PDE5A: variants seen among roughly 807,000 people sequenced by gnomAD.
PDE5A encodes the protein cGMP-specific 3',5'-cyclic phosphodiesterase.
A neutral mutation model predicts 110.2 loss-of-function variants in PDE5A; 67 were observed. The ratio of observed to expected loss-of-function variants is 0.61; its 90% CI spans 0.50 to 0.75. The LOEUF (loss-of-function observed/expected upper bound fraction) is 0.75. Among genes scored for constraint, PDE5A ranks in the 30% least tolerant of loss-of-function variants. The pLI is 0.00. For missense variants in PDE5A, 862 were observed against 1,045.1 expected, an observed-to-expected ratio of 0.82 and a Z score of 2.42; for synonymous variants, 328 against 351.2, an observed-to-expected ratio of 0.93 and a Z score of 0.74.
chr4:119,550,896 C>T (rs781333786), intron 9 of PDE5A, among the ~76,000 whole-genome samples: 10 of 152,146 alleles, frequency 6.6e-5, no homozygotes, highest in Non-Finnish European at 1.5e-4. Context: ...TTGTAAGGCA[C>T]CCTTGGCAGT....
chr4:119,565,990 TATTA>T (rs1727920093), intron 4 of PDE5A, among the ~76,000 whole-genome samples: 1 of 149,500 alleles, frequency 6.7e-6, no homozygotes, highest in Non-Finnish European at 1.5e-5. Context: ...TAATTAATAG[TATTA>T]ATTATTGATT....
chr4:119,608,489 A>G (rs887111538), intron 1 of PDE5A, among the ~76,000 whole-genome samples: 13 of 152,316 alleles, frequency 8.5e-5, no homozygotes, highest in African/African-American at 3.1e-4. Flanking sequence ...AACTTCTGAA[A>G]CAATTTATAA....
At chr4:119,531,141 A>C (rs1726520541) in intron 11 of PDE5A, among the ~76,000 whole-genome samples, 2 of 152,170 alleles carry the variant, frequency 1.3e-5, no homozygotes, top group African/African-American at 4.8e-5. Flanking sequence ...GTTCCCCATA[A>C]GTAGAGAACT....
chr4:119,603,659 CAA>C (rs904889879), intron 2 of PDE5A, among the ~76,000 whole-genome samples: 1 of 152,064 alleles, frequency 6.6e-6, no homozygotes, highest in Non-Finnish European at 1.5e-5. Flanking sequence ...TTTTCTGTTA[CAA>C]AGTTTTAAAA....
chr4:119,508,053 TTAA>T (rs1725614637), intron 15 of PDE5A, among the ~76,000 whole-genome samples: 1 of 152,010 alleles, frequency 6.6e-6, no homozygotes, highest in Non-Finnish European at 1.5e-5. Flanking sequence ...AAAAGCCATA[TTAA>T]TGGATATGAA....
intron 7 of PDE5A, among the ~76,000 whole-genome samples, chr4:119,557,563 A>G (rs1727585952): frequency 6.6e-6 from 1 of 152,200 alleles, no homozygotes; most frequent in African/African-American, 2.4e-5. Flanking sequence ...CACTGCAGGT[A>G]ATGTAAACCA....
At chr4:119,538,339 A>G (rs1296712421) in intron 11 of PDE5A, among the ~76,000 whole-genome samples, 2 of 152,136 alleles carry the variant, frequency 1.3e-5, no homozygotes, top group East Asian at 1.9e-4. Context: ...GCCCTTACCT[A>G]TGTCATCGCA....
At chr4:119,563,503 G>T (rs1357389078) in intron 5 of PDE5A, among the ~76,000 whole-genome samples, 1 of 151,982 alleles carries the variant, frequency 6.6e-6, no homozygotes, top group African/African-American at 2.4e-5. Flanking sequence ...AACCTCATAA[G>T]TATTACCAAA....
In PDE5A at chr4:119,507,722, A is replaced by C; in HGVS notation, c.2089-18T>G. On this transcript the variant is annotated intron_variant, in intron 15 of 20. Transcript: ENST00000354960. Reference sequence around the variant, plus strand: ...TGATTGCCCTTTATAAAAAAAGAAAACCAGTATTAACATCCTGGAGAAGCT... The same window carrying C: ...TGATTGCCCTTTATAAAAAAAGAAACCCAGTATTAACATCCTGGAGAAGCT... The C allele has an allele frequency of 6.7e-7, 1 of 1,496,804 alleles. No individual in the cohort carries two copies. Among genetic ancestry groups the C allele is most frequent in the Non-Finnish European group, 9.1e-7 (1 of 1,094,134 alleles). The allele number at this position is 1,496,804 out of a possible 1,614,324, so 92.7% of individuals were successfully genotyped here.
chr4:119,622,746 A>AC (rs1399625763), intron 1 of PDE5A, among the ~76,000 whole-genome samples: 14 of 151,498 alleles, frequency 9.2e-5, no homozygotes, highest in Admixed American at 7.2e-4. Flanking sequence ...GGTGGTGGGC[A>AC]CCTGTGGTCC....
intron 9 of PDE5A, among the ~76,000 whole-genome samples, chr4:119,548,003 T>C (rs1342300125): frequency 6.6e-6 from 1 of 151,794 alleles, no homozygotes; most frequent in Non-Finnish European, 1.5e-5. Flanking sequence ...CAAGTATATT[T>C]CAGGCCCACT....
chr4:119,511,011 C>A, intron 15 of PDE5A, 36 bp downstream of exon 15: 1 of 1,175,006 alleles, frequency 8.5e-7, no homozygotes, highest in East Asian at 2.4e-5. Context: ...ATAAAGCTCT[C>A]TTTTAAAATT....
chr4:119,587,202 T>G (rs1728792352), intron 3 of PDE5A, among the ~76,000 whole-genome samples: 1 of 149,284 alleles, frequency 6.7e-6, no homozygotes, highest in Admixed American at 6.8e-5. Context: ...GGGGAATAAA[T>G]GCAGTGAACG....
In PDE5A at chr4:119,519,085, C is replaced by A. The variant is rs200619248; in HGVS notation, c.1960G>T (p.Asp654Tyr). 1 of 1,613,678 alleles carries A rather than the reference C, an allele frequency of 6.2e-7. No individual in the cohort carries two copies. Among genetic ancestry groups the A allele is most frequent in the African/African-American group, 1.3e-5 (1 of 74,916 alleles). Reference protein sequence around the residue: ...LALLIAALSHDLDHRGVNNSY... With the variant: ...LALLIAALSHYLDHRGVNNSY... ...TTATTCACACCACGGTGATCCAAATCGTGGCTTAGTGCAGCAATCAGCAAT... is the reference window on the plus strand; with the variant it reads ...TTATTCACACCACGGTGATCCAAATAGTGGCTTAGTGCAGCAATCAGCAAT... Residue 654 changes from aspartate (D) to tyrosine (Y), a missense_variant, in exon 14 of 21, where the codon GAT becomes TAT. Transcript: ENST00000354960.
In PDE5A at chr4:119,505,906, A is replaced by ATAAG. The variant is rs1335768943; in HGVS notation, c.2212_2215dup (p.Ile739ThrfsTer27). On this transcript the variant is annotated frameshift_variant, in exon 17 of 21. Transcript: ENST00000354960. LOFTEE classifies it high-confidence loss of function. Reference sequence around the variant, plus strand: ...TTCCAAATTGAATTGATTTTTTCTTATAAGTTCAAAAAATTCTCCTCGCCT... The same window carrying ATAAG: ...TTCCAAATTGAATTGATTTTTTCTTATAAGTAAGTTCAAAAAATTCTCCTCGCCT... The ATAAG allele has an allele frequency of 6.4e-7, 1 of 1,569,890 alleles. No individual in the cohort carries two copies. Among genetic ancestry groups the ATAAG allele is most frequent in the Non-Finnish European group, 8.6e-7 (1 of 1,159,730 alleles).
At chr4:119,588,338 C>T (rs1423299010) in intron 3 of PDE5A, among the ~76,000 whole-genome samples, 1 of 151,796 alleles carries the variant, frequency 6.6e-6, no homozygotes, top group Non-Finnish European at 1.5e-5. Flanking sequence ...GCCACACACC[C>T]GGCTAATTTT....
chr4:119,606,306 G>GGT (rs1553929966), intron 2 of PDE5A, among the ~76,000 whole-genome samples: 5 of 109,672 alleles, frequency 4.6e-5, no homozygotes, highest in African/African-American at 1.5e-4. Context: ...GAGACTATGA[G>GGT]TTTTTTTTTG....
chr4:119,571,830 C>T (rs971917398), intron 3 of PDE5A, among the ~76,000 whole-genome samples: 5 of 152,152 alleles, frequency 3.3e-5, no homozygotes, highest in Non-Finnish European at 7.3e-5. Flanking sequence ...ACATCTCATT[C>T]CTAATCATCT....
At chr4:119,575,311 A>T (rs1292337227) in intron 3 of PDE5A, among the ~76,000 whole-genome samples, 1 of 152,208 alleles carries the variant, frequency 6.6e-6, no homozygotes, top group African/African-American at 2.4e-5. Flanking sequence ...GCAGGCCAAC[A>T]TTCAAATTCA....
Sources: gnomAD v4.1 joint callset for allele counts (sites outside exome capture counted in the v4.1 genomes callset) on GRCh38, gnomAD v4.1.1 for gene constraint, MANE v1.5 for transcripts, NCBI Gene and HGNC (gene_info 2026-07-23, HGNC 2026-07-21) for gene names.